DIP2B: variants seen among roughly 807,000 people sequenced by gnomAD.
The protein encoded by DIP2B is DIP2 acetate--CoA ligase B (putative), also known as disco-interacting protein 2 homolog B.
DIP2B carries 76 observed loss-of-function variants against 198.0 expected under a neutral mutation model. The observed-to-expected ratio is 0.38, with a 90% CI of 0.32 to 0.46. The LOEUF (loss-of-function observed/expected upper bound fraction) is 0.46. DIP2B is among the 20% of genes least tolerant of loss of function. The pLI is 0.99. For synonymous variants in DIP2B, 701 were observed against 739.1 expected, an observed-to-expected ratio of 0.95 and a Z score of 0.84; for missense variants, 1,559 against 1,978.4, an observed-to-expected ratio of 0.79 and a Z score of 4.02.
intron 28 of DIP2B, among the ~76,000 whole-genome samples, chr12:50,726,645 C>G (rs1453708757): frequency 1.3e-5 from 2 of 149,804 alleles, no homozygotes; most frequent in Non-Finnish European, 3.0e-5. Flanking sequence ...GCCACCGCAC[C>G]TGGCCACCAT....
At chr12:50,609,641 A>G (rs1057081592) in intron 1 of DIP2B, among the ~76,000 whole-genome samples, 3 of 152,226 alleles carry the variant, frequency 2.0e-5, no homozygotes, top group African/African-American at 7.2e-5. Context: ...TGTTGATATC[A>G]CATTGGCCAG....
chr12:50,561,516 A>C lies in DIP2B; in HGVS notation c.100+56276A>C, dbSNP rs76365923. 1.2e-4 allele frequency among the ~76,000 whole-genome samples: 18 copies of C among 152,294 alleles called. No individual in the cohort carries two copies. The East Asian group carries it at 3.5e-3, about 29-fold the overall frequency. On this transcript the variant is annotated intron_variant, in intron 1 of 37. Transcript: ENST00000301180. ...TACTATCAGTTAAAGTAGCACATCC[A>C]TAAACACATTGCATCTCAGATAACA... is the stretch of plus-strand genomic sequence containing the variant.
intron 1 of DIP2B, among the ~76,000 whole-genome samples, chr12:50,518,485 A>C (rs907954630): frequency 2.0e-5 from 3 of 152,208 alleles, no homozygotes; most frequent in Non-Finnish European, 2.9e-5. Flanking sequence ...CTGGGATTAC[A>C]GGCGTGAGCC....
intron 13 of DIP2B, among the ~76,000 whole-genome samples, 169 bp from the exon 14 acceptor site, chr12:50,692,780 T>A (rs1238005127): frequency 6.6e-6 from 1 of 152,102 alleles, no homozygotes; most frequent in Non-Finnish European, 1.5e-5. Flanking sequence ...GAGGTTGCAG[T>A]GAGCCGAGAT....
intron 1 of DIP2B, among the ~76,000 whole-genome samples, chr12:50,583,533 T>C (rs1402776868): frequency 6.6e-6 from 1 of 152,202 alleles, no homozygotes; most frequent in Non-Finnish European, 1.5e-5. Context: ...GATGTCCCGA[T>C]GTAGGATTTT....
At chr12:50,543,220 T>C (rs1409530055) in intron 1 of DIP2B, among the ~76,000 whole-genome samples, 1 of 152,048 alleles carries the variant, frequency 6.6e-6, no homozygotes, top group Admixed American at 6.6e-5. Flanking sequence ...GATAGAGTCA[T>C]GGGTAAATTA....
At chr12:50,677,025 A>G (rs774403722) in intron 7 of DIP2B, among the ~76,000 whole-genome samples, 5 of 152,186 alleles carry the variant, frequency 3.3e-5, no homozygotes, top group Non-Finnish European at 5.9e-5. Context: ...CAATCCCCAG[A>G]TTTGTCATTG....
intron 2 of DIP2B, among the ~76,000 whole-genome samples, chr12:50,632,996 C>T (rs186340499): frequency 4.0e-5 from 6 of 151,616 alleles, no homozygotes; most frequent in African/African-American, 1.5e-4. Flanking sequence ...TCAGGCTGGT[C>T]TCAAACGCCT....
At position 50,714,396 on chromosome 12, in the gene DIP2B, C is replaced by T. The variant is rs1293199990; in HGVS notation, c.2651C>T (p.Ala884Val). 5 of 1,613,974 alleles carry T rather than the reference C, an allele frequency of 3.1e-6. No homozygotes were observed. Among genetic ancestry groups the T allele is most frequent in the East Asian group, 2.2e-5 (1 of 44,900 alleles). ...GTATTTTTGTTTGTATTTTTCTAGGCGATCGATAGCATTCATCAAGTGGGG... is the reference window on the plus strand; with the variant it reads ...GTATTTTTGTTTGTATTTTTCTAGGTGATCGATAGCATTCATCAAGTGGGG... ...SFQWMSRVLQ[A>V]IDSIHQVGVY... is the part of the protein sequence containing the mutation. Residue 884 changes from alanine (A) to valine (V), a missense_variant and splice_region_variant, in exon 23 of 38, where the codon GCG becomes GTG. By Grantham distance (64) the Ala-to-Val change is moderately conservative. Coordinates refer to ENST00000301180, the MANE Select transcript of DIP2B (RefSeq NM_173602.3).
intron 15 of DIP2B, 142 bp from the exon 16 acceptor site, chr12:50,695,706 G>T: frequency 8.4e-7 from 1 of 1,188,946 alleles, no homozygotes; most frequent in Non-Finnish European, 1.2e-6. Flanking sequence ...TGAGCTATTG[G>T]CACAATCTCT....
chr12:50,506,545 G>C (rs779279898), intron 1 of DIP2B, among the ~76,000 whole-genome samples: 1 of 152,062 alleles, frequency 6.6e-6, no homozygotes, highest in South Asian at 2.1e-4. Context: ...GTTTTTACCT[G>C]TACTTAACTA....
intron 30 of DIP2B, among the ~76,000 whole-genome samples, chr12:50,730,366 TTCTTTCTC>T (rs1940018079): frequency 8.6e-6 from 1 of 115,882 alleles, no homozygotes; most frequent in Non-Finnish European, 2.2e-5. Flanking sequence ...TTTTGTTTCT[TTCTTTCTC>T]TCTCTCTCTT....
intron 1 of DIP2B, among the ~76,000 whole-genome samples, chr12:50,590,978 T>C (rs1193739238): frequency 2.0e-5 from 3 of 152,202 alleles, no homozygotes; most frequent in Non-Finnish European, 4.4e-5. Context: ...GGCTTCTCTC[T>C]TGGGAGTGGG....
In DIP2B at chr12:50,629,237, G is replaced by A. The variant is rs184908034; in HGVS notation, c.172+3190G>A. 3.2e-3 allele frequency among the ~76,000 whole-genome samples: 489 copies of A among 152,142 alleles called. 2 individuals are homozygous for A. The highest frequency in any genetic ancestry group is 0.011 in the African/African-American group (470 of 41,468). On this transcript the variant is annotated intron_variant, in intron 2 of 37. Transcript: ENST00000301180. ...CTGCTGCTCCTGGTCTTTCTTACAG[G>A]CTCATTTTTGTCTGTTAAATGTTAG...
chr12:50,673,765 A>C (rs1431543075), intron 5 of DIP2B, among the ~76,000 whole-genome samples: 1 of 152,192 alleles, frequency 6.6e-6, no homozygotes, highest in Non-Finnish European at 1.5e-5. Context: ...CTGGCTGGGC[A>C]ACAGCACAAG....
intron 2 of DIP2B, among the ~76,000 whole-genome samples, chr12:50,626,628 A>C (rs1937940353): frequency 6.6e-6 from 1 of 152,188 alleles, no homozygotes; most frequent in Non-Finnish European, 1.5e-5. Flanking sequence ...CATATTTTTA[A>C]AGTTACTCAG....
intron 1 of DIP2B, among the ~76,000 whole-genome samples, chr12:50,507,333 C>T (rs1307230691): frequency 6.6e-6 from 1 of 152,140 alleles, no homozygotes; most frequent in Non-Finnish European, 1.5e-5. Context: ...GGTCATCTTT[C>T]TTGCTTAAAG....
At chr12:50,579,038 G>T (rs1309869562) in intron 1 of DIP2B, among the ~76,000 whole-genome samples, 1 of 152,156 alleles carries the variant, frequency 6.6e-6, no homozygotes, top group Non-Finnish European at 1.5e-5. Flanking sequence ...ATTGATTTTA[G>T]TACATCTTAA....
At chr12:50,658,860 G>A (rs1046275725) in intron 3 of DIP2B, among the ~76,000 whole-genome samples, 64 of 152,082 alleles carry the variant, frequency 4.2e-4, no homozygotes, top group African/African-American at 1.1e-3. Context: ...AGGCCGAGGC[G>A]GGCAGATGAC....
Sources: allele counts gnomAD v4.1 joint callset (sites outside exome capture counted in the v4.1 genomes callset), GRCh38; gene constraint gnomAD v4.1.1; transcripts MANE v1.5; gene names NCBI Gene and HGNC (gene_info 2026-07-23, HGNC 2026-07-21).